The following TRAPPC9 variants were observed in gnomAD, a reference collection of about 807,000 sequenced individuals.
TRAPPC9 encodes trafficking protein particle complex subunit 9.
In TRAPPC9, 83 loss-of-function variants were observed where a neutral mutation model predicts 124.0. The observed-to-expected ratio is 0.67, with a 90% CI of 0.56 to 0.80. The LOEUF (loss-of-function observed/expected upper bound fraction) is 0.80. Among genes scored for constraint, TRAPPC9 ranks in the 30% least tolerant of loss-of-function variants. TRAPPC9 has a pLI of 0.00. For synonymous variants in TRAPPC9, 638 were observed against 617.5 expected (o/e 1.03, Z -0.49); for missense variants, 1,302 against 1,508.3 (o/e 0.86, Z 2.27).
chr8:140,099,892 T>G (rs4455807), intron 17 of TRAPPC9: 105,667 of 149,836 alleles, frequency 0.71, 37,596 homozygotes, highest in East Asian at 0.87. Flanking sequence ...AGTGCCACAA[T>G]CCTCAGGGTA....
chr8:139,741,038 C>A (rs899363649), intron 21 of TRAPPC9, among the ~76,000 whole-genome samples: 8 of 152,166 alleles, frequency 5.3e-5, no homozygotes, highest in African/African-American at 1.9e-4. Flanking sequence ...CCCCAATGAG[C>A]CCCAAGAGGA....
intron 21 of TRAPPC9, among the ~76,000 whole-genome samples, chr8:139,874,829 G>A (rs1829217320): frequency 6.6e-6 from 1 of 152,194 alleles, no homozygotes; most frequent in South Asian, 2.1e-4. Flanking sequence ...CATGGCCACA[G>A]GTGGAAGATC....
intron 17 of TRAPPC9, 87 bp from the exon 18 acceptor site, chr8:140,024,166 G>T (rs1453486298): frequency 6.8e-6 from 10 of 1,480,040 alleles, no homozygotes; most frequent in Non-Finnish European, 7.5e-6. Context: ...CTTCGCTTAG[G>T]AAGAGTCTGA....
chr8:140,031,137 G>A (rs754954807), intron 17 of TRAPPC9, among the ~76,000 whole-genome samples: 4 of 152,200 alleles, frequency 2.6e-5, no homozygotes, highest in African/African-American at 9.7e-5. Context: ...ATGTCTAAGA[G>A]CGAATGTGAG....
At chr8:140,095,483 G>T (rs1844874364) in intron 17 of TRAPPC9, 1 of 152,082 alleles carries the variant, frequency 6.6e-6, no homozygotes, top group African/African-American at 2.4e-5. Flanking sequence ...AGAGGAGTGA[G>T]AAACACGCAA....
chr8:140,106,941 G>A (rs565910388), intron 17 of TRAPPC9, among the ~76,000 whole-genome samples: 12 of 152,242 alleles, frequency 7.9e-5, no homozygotes, highest in East Asian at 7.7e-4. Flanking sequence ...ATTTGCAAAC[G>A]TTTACATTTC....
At chr8:140,374,335 C>T (rs1350309843) in intron 7 of TRAPPC9, among the ~76,000 whole-genome samples, 1 of 152,092 alleles carries the variant, frequency 6.6e-6, no homozygotes, top group African/African-American at 2.4e-5. Context: ...TTTGGGAGGC[C>T]GAGGCAGGCA....
intron 3 of TRAPPC9, among the ~76,000 whole-genome samples, chr8:140,437,579 A>G (rs1228578025): frequency 6.6e-6 from 1 of 152,196 alleles, no homozygotes; most frequent in Non-Finnish European, 1.5e-5. Context: ...AGCCAAGATC[A>G]TGCCACTGCA....
intron 17 of TRAPPC9, among the ~76,000 whole-genome samples, chr8:140,191,573 T>C (rs1418059775): frequency 6.6e-6 from 1 of 152,166 alleles, no homozygotes. Context: ...ACACGTCGGC[T>C]CTGGCTTCAC....
chr8:139,754,646 C>G (rs1819575280), intron 21 of TRAPPC9, among the ~76,000 whole-genome samples: 1 of 152,242 alleles, frequency 6.6e-6, no homozygotes, highest in Non-Finnish European at 1.5e-5. Context: ...CCTCACTGGG[C>G]CTGCCCAGCT....
intron 17 of TRAPPC9, among the ~76,000 whole-genome samples, chr8:140,033,657 GGTTTTTTTTTTTTTTTTT>G (rs1840648602): frequency 1.0e-4 from 5 of 49,304 alleles, no homozygotes; most frequent in African/African-American, 2.1e-4. Context: ...TTCATAATGT[GGTTTTTTTTTTTTTTTTT>G]TTTTTTTTTT....
At chr8:140,240,791 C>A (rs1377789346) in intron 16 of TRAPPC9, among the ~76,000 whole-genome samples, 1 of 152,242 alleles carries the variant, frequency 6.6e-6, no homozygotes, top group Non-Finnish European at 1.5e-5. Context: ...CCTCCCACCT[C>A]TGCCTCTCAA....
chr8:139,854,772 T>G (rs1168059366), intron 21 of TRAPPC9, among the ~76,000 whole-genome samples: 1 of 152,228 alleles, frequency 6.6e-6, no homozygotes, highest in Admixed American at 6.5e-5. Context: ...CTCAGCAGCA[T>G]CTGAGGACTT....
chr8:140,118,320 G>A (rs1015236856), intron 17 of TRAPPC9, among the ~76,000 whole-genome samples: 9 of 152,324 alleles, frequency 5.9e-5, no homozygotes, highest in East Asian at 3.9e-4. Flanking sequence ...TATAGGTAGC[G>A]CCTGCCATTA....
chr8:140,051,379 G>A (rs1841990197), intron 17 of TRAPPC9, among the ~76,000 whole-genome samples: 1 of 152,280 alleles, frequency 6.6e-6, no homozygotes, highest in African/African-American at 2.4e-5. Flanking sequence ...TTTCACATGG[G>A]TGTATCTGAA....
chr8:139,970,175 C>T (rs1483500864), intron 19 of TRAPPC9, among the ~76,000 whole-genome samples: 1 of 152,194 alleles, frequency 6.6e-6, no homozygotes, highest in African/African-American at 2.4e-5. Flanking sequence ...ACCTCGGAAA[C>T]AGGCGCCAGC....
intron 11 of TRAPPC9, among the ~76,000 whole-genome samples, chr8:140,295,834 C>T (rs2065787849): frequency 6.6e-6 from 1 of 152,210 alleles, no homozygotes; most frequent in African/African-American, 2.4e-5. Flanking sequence ...CTGATCAGTA[C>T]ACTGCCAAAA....
intron 18 of TRAPPC9, among the ~76,000 whole-genome samples, chr8:140,006,002 T>A (rs1204780392): frequency 6.6e-6 from 1 of 151,282 alleles, no homozygotes; most frequent in Non-Finnish European, 1.5e-5. Flanking sequence ...CAGAAATAAT[T>A]GAAGGAAGAA....
chr8:140,217,768 C>T (rs1349324405), intron 17 of TRAPPC9, among the ~76,000 whole-genome samples: 2 of 152,170 alleles, frequency 1.3e-5, no homozygotes, highest in African/African-American at 4.8e-5. Flanking sequence ...GTAATCCCAG[C>T]ACTTTGGGAG....
Sources: gnomAD v4.1 joint callset for allele counts (sites outside exome capture counted in the v4.1 genomes callset) on GRCh38, gnomAD v4.1.1 for gene constraint, MANE v1.5 for transcripts, NCBI Gene and HGNC (gene_info 2026-07-23, HGNC 2026-07-21) for gene names.